The following GSG1L variants were observed in gnomAD, a reference collection of about 807,000 sequenced individuals.
GSG1L encodes the protein germ cell-specific gene 1-like protein.
In GSG1L, 24 loss-of-function variants were observed where a neutral mutation model predicts 42.1. That is an observed-to-expected ratio of 0.57 (90% CI 0.41 to 0.80). GSG1L has a LOEUF of 0.80. GSG1L is among the 30% of genes least tolerant of loss of function. GSG1L has a pLI of 0.00. For synonymous variants in GSG1L, 215 were observed against 203.5 expected (o/e 1.06, Z -0.48); for missense variants, 445 against 472.2 (o/e 0.94, Z 0.53).
chr16:27,869,971 C>G (rs756020665), intron 3 of GSG1L, among the ~76,000 whole-genome samples: 4 of 144,864 alleles, frequency 2.8e-5, no homozygotes, highest in Non-Finnish European at 4.6e-5. Flanking sequence ...CTCCTTCTCT[C>G]TCTCTCTCTG....
intron 3 of GSG1L, among the ~76,000 whole-genome samples, chr16:27,853,779 C>T (rs1437169557): frequency 1.3e-5 from 2 of 152,154 alleles, no homozygotes; most frequent in Non-Finnish European, 2.9e-5. Context: ...CCCCATCCAG[C>T]CCTGTGGCAG....
At chr16:27,862,357 C>T (rs74013602) in intron 3 of GSG1L, among the ~76,000 whole-genome samples, 2,539 of 152,210 alleles carry the variant, frequency 0.017, 70 homozygotes, top group African/African-American at 0.058. Context: ...CAAAAGGAGC[C>T]GAAATCTCCG....
At chr16:27,937,017 C>T (rs1383880109) in intron 2 of GSG1L, among the ~76,000 whole-genome samples, 2 of 152,200 alleles carry the variant, frequency 1.3e-5, no homozygotes, top group East Asian at 1.9e-4. Context: ...TCGCGGTGGG[C>T]ACTTGCCCGT....
chr16:27,973,408 C>T (rs755655377), intron 1 of GSG1L, among the ~76,000 whole-genome samples: 1 of 130,632 alleles, frequency 7.7e-6, no homozygotes, highest in Non-Finnish European at 1.5e-5. Context: ...TTTGACACTG[C>T]ACTCCAGCCT....
At chr16:27,841,859 C>T (rs535373620) in intron 4 of GSG1L, among the ~76,000 whole-genome samples, 1 of 152,256 alleles carries the variant, frequency 6.6e-6, no homozygotes, top group South Asian at 2.1e-4. Flanking sequence ...CACCAGCAGG[C>T]TTGACTTGAG....
chr16:27,849,397 C>A (rs996077916), intron 3 of GSG1L, among the ~76,000 whole-genome samples: 3 of 152,132 alleles, frequency 2.0e-5, no homozygotes, highest in Non-Finnish European at 4.4e-5. Flanking sequence ...CTAAGAAAAT[C>A]ATTCTGATTA....
chr16:28,016,365 G>A (rs1187078884), intron 1 of GSG1L, among the ~76,000 whole-genome samples: 1 of 152,220 alleles, frequency 6.6e-6, no homozygotes, highest in Non-Finnish European at 1.5e-5. Context: ...CATCTCTGAG[G>A]AGGAAGCAGA....
intron 2 of GSG1L, among the ~76,000 whole-genome samples, chr16:27,946,579 A>AAGAGAGAG (rs1166800286): frequency 1.4e-4 from 5 of 37,034 alleles, no homozygotes; most frequent in African/African-American, 3.4e-4. Flanking sequence ...GAAAGAAAGA[A>AAGAGAGAG]AGAGAGAGAG....
At chr16:27,816,323 G>C (rs1222750576) in intron 5 of GSG1L, among the ~76,000 whole-genome samples, 3 of 152,216 alleles carry the variant, frequency 2.0e-5, no homozygotes. Flanking sequence ...TCTGGATTCA[G>C]GGCAGGCAAA....
At chr16:28,024,582 G>T (rs1337813613) in intron 1 of GSG1L, among the ~76,000 whole-genome samples, 1 of 152,226 alleles carries the variant, frequency 6.6e-6, no homozygotes, top group Admixed American at 6.5e-5. Flanking sequence ...GGGCAAGAGA[G>T]GGTGAAATAC....
intron 3 of GSG1L, among the ~76,000 whole-genome samples, chr16:27,846,951 C>A (rs866222394): frequency 2.0e-5 from 2 of 101,410 alleles, no homozygotes; most frequent in East Asian, 2.8e-4. Context: ...AGGGAGACTC[C>A]GTCTCAAAAA....
At chr16:28,008,519 C>T (rs1297607651) in intron 1 of GSG1L, among the ~76,000 whole-genome samples, 4 of 152,200 alleles carry the variant, frequency 2.6e-5, no homozygotes, top group Non-Finnish European at 5.9e-5. Context: ...TGCCCCTTGT[C>T]CAGACCATTG....
At chr16:27,951,638 C>T (rs763066863) in intron 2 of GSG1L, among the ~76,000 whole-genome samples, 21 of 152,144 alleles carry the variant, frequency 1.4e-4, no homozygotes, top group Non-Finnish European at 1.8e-4. Flanking sequence ...TGGCGTATTC[C>T]GGCTGCAGCC....
chr16:27,808,449 C>G (rs1398706982), intron 5 of GSG1L, among the ~76,000 whole-genome samples: 1 of 149,280 alleles, frequency 6.7e-6, no homozygotes, highest in African/African-American at 2.5e-5. Flanking sequence ...CATGGAGTCT[C>G]GCTCTGTTGC....
chr16:27,886,654 G>C (rs1567504648), intron 2 of GSG1L, among the ~76,000 whole-genome samples: 1 of 152,210 alleles, frequency 6.6e-6, no homozygotes, highest in Non-Finnish European at 1.5e-5. Context: ...CGAGGTCAAG[G>C]CTAGAGATAG....
At chr16:27,983,716 C>T (rs2085349399) in intron 1 of GSG1L, among the ~76,000 whole-genome samples, 2 of 152,138 alleles carry the variant, frequency 1.3e-5, no homozygotes, top group African/African-American at 4.8e-5. Flanking sequence ...GTTACCCTAT[C>T]TCATTCTCCA....
intron 2 of GSG1L, among the ~76,000 whole-genome samples, chr16:27,909,409 C>T (rs1264189764): frequency 4.1e-5 from 4 of 97,222 alleles, no homozygotes; most frequent in Non-Finnish European, 7.7e-5. Context: ...GACAGGGTTT[C>T]ACTCTGTCAC....
chr16:27,841,213 C>T (rs1005931752), intron 4 of GSG1L, among the ~76,000 whole-genome samples: 13 of 152,152 alleles, frequency 8.5e-5, no homozygotes, highest in African/African-American at 1.9e-4. Flanking sequence ...CCAAGGTCCC[C>T]GGCTGGTGAG....
intron 2 of GSG1L, among the ~76,000 whole-genome samples, chr16:27,888,515 CTTTCTT>C: frequency 6.3e-5 from 1 of 15,972 alleles, no homozygotes; most frequent in East Asian, 2.1e-3. Flanking sequence ...TTCTTTCTTT[CTTTCTT>C]TCTTTCTTTC....
Sources: allele counts gnomAD v4.1 joint callset (sites outside exome capture counted in the v4.1 genomes callset), GRCh38; gene constraint gnomAD v4.1.1; transcripts MANE v1.5; gene names NCBI Gene and HGNC (gene_info 2026-07-23, HGNC 2026-07-21).